The following SLCO1B1 variants were observed in gnomAD, a reference collection of about 807,000 sequenced individuals.
SLCO1B1 encodes the protein solute carrier organic anion transporter family member 1B1.
Under a neutral mutation model 70.1 loss-of-function variants are expected in SLCO1B1, and 81 were observed. The ratio of observed to expected loss-of-function variants is 1.16; its 90% CI spans 0.97 to 1.39. The LOEUF is 1.39. Among genes scored for constraint, SLCO1B1 ranks in the 40% most tolerant of loss-of-function variants. SLCO1B1 has a pLI of 0.00. For missense variants in SLCO1B1, 895 were observed against 799.6 expected, an observed-to-expected ratio of 1.12 and a Z score of -1.44; for synonymous variants, 283 against 271.5, an observed-to-expected ratio of 1.04 and a Z score of -0.42.
intron 1 of SLCO1B1, among the ~76,000 whole-genome samples, chr12:21,134,646 G>A (rs1940191531): frequency 6.6e-6 from 1 of 152,048 alleles, no homozygotes; most frequent in African/African-American, 2.4e-5. Context: ...ATTCTCTGAT[G>A]GTAGTTTGTA....
At chr12:21,159,386 T>G (rs11045802) in intron 2 of SLCO1B1, among the ~76,000 whole-genome samples, 11,302 of 152,212 alleles carry the variant, frequency 0.074, 550 homozygotes, top group East Asian at 0.13. Flanking sequence ...AATACAGGTC[T>G]CATTTGAATT....
intron 2 of SLCO1B1, among the ~76,000 whole-genome samples, chr12:21,158,696 G>GA (rs904568602): frequency 1.1e-4 from 17 of 147,992 alleles, no homozygotes; most frequent in Non-Finnish European, 1.5e-4. Flanking sequence ...TCTGTCTCAA[G>GA]AAAAAAAAAA....
In SLCO1B1 at chr12:21,172,718, C is replaced by A. The variant is rs775517998; in HGVS notation, c.153C>A (p.Ser51=). The A allele has an allele frequency of 6.2e-7, 1 of 1,613,000 alleles. No homozygotes were observed. The highest frequency in any genetic ancestry group is 8.5e-7 in the Non-Finnish European group (1 of 1,179,198). Residue 51 remains serine (S), a synonymous_variant, in exon 3 of 15, where the codon TCC becomes TCA. Coordinates refer to ENST00000256958, the MANE Select transcript of SLCO1B1 (RefSeq NM_006446.5). ...TAGGTGCAATTATTATGAAAAGTTC[C>A]ATCATTCATATAGAACGGAGATTTG... The part of the protein sequence containing the change: ...KTLGAIIMKS[S]IIHIERRFEI...
chr12:21,164,542 C>G (rs776105518), intron 2 of SLCO1B1, among the ~76,000 whole-genome samples: 6 of 152,020 alleles, frequency 3.9e-5, no homozygotes, highest in Non-Finnish European at 7.4e-5. Flanking sequence ...TTCTTCATGG[C>G]TGCCAGAATT....
At chr12:21,200,813 G>T in intron 9 of SLCO1B1, 141 bp downstream of exon 9, 1 of 672,866 alleles carries the variant, frequency 1.5e-6, no homozygotes, top group East Asian at 3.0e-5. Flanking sequence ...TTTCTCAAAT[G>T]TTATTAAACA....
At chr12:21,181,269 C>A (rs1940894081) in intron 7 of SLCO1B1, among the ~76,000 whole-genome samples, 1 of 152,128 alleles carries the variant, frequency 6.6e-6, no homozygotes, top group South Asian at 2.1e-4. Flanking sequence ...CCAAGAAAAA[C>A]TTTTTCTCAC....
At chr12:21,148,695 CTTTTTT>C (rs71043249) in intron 2 of SLCO1B1, among the ~76,000 whole-genome samples, 4 of 100,218 alleles carry the variant, frequency 4.0e-5, no homozygotes, top group Non-Finnish European at 8.1e-5. Context: ...GCTATATGGG[CTTTTTT>C]TTTTTTTTTT....
intron 11 of SLCO1B1, among the ~76,000 whole-genome samples, chr12:21,212,772 G>A (rs1432276961): frequency 6.1e-5 from 9 of 146,738 alleles, no homozygotes; most frequent in African/African-American, 2.0e-4. Context: ...TATATATTTA[G>A]GATAGTTAGC....
chr12:21,198,712 G>T lies in SLCO1B1; in HGVS notation c.970+1524G>T, dbSNP rs370217920. Among the ~76,000 whole-genome samples, 194 of 152,156 alleles carry T rather than the reference G, an allele frequency of 1.3e-3. 4 individuals are homozygous for T. The South Asian group carries it at 0.039, about 31-fold the overall frequency. ...GAACTAAAACTGATTAGAATGAAAA[G>T]ATGATTTCAGTTCATTACAAAAACA... On this transcript the variant is annotated intron_variant, in intron 8 of 14. Coordinates refer to ENST00000256958, the MANE Select transcript of SLCO1B1 (RefSeq NM_006446.5).
intron 11 of SLCO1B1, among the ~76,000 whole-genome samples, chr12:21,208,114 T>TTTC (rs151231052): frequency 0.2 from 30,205 of 151,788 alleles, 3,354 homozygotes; most frequent in East Asian, 0.44. Context: ...CTGTTGATTA[T>TTTC]TTTTGTTGTG....
intron 14 of SLCO1B1, among the ~76,000 whole-genome samples, chr12:21,226,984 A>G (rs1941489410): frequency 6.6e-6 from 1 of 152,192 alleles, no homozygotes; most frequent in African/African-American, 2.4e-5. Flanking sequence ...ACAGGATTGC[A>G]ATTAAAACTC....
chr12:21,161,469 T>C (rs1940618933), intron 2 of SLCO1B1, among the ~76,000 whole-genome samples: 3 of 151,824 alleles, frequency 2.0e-5, no homozygotes, highest in South Asian at 4.1e-4. Flanking sequence ...TGAGAACTCA[T>C]AAAGACAAAA....
At chr12:21,137,027 G>A (rs1040233155) in intron 1 of SLCO1B1, among the ~76,000 whole-genome samples, 2 of 152,128 alleles carry the variant, frequency 1.3e-5, no homozygotes, top group Non-Finnish European at 2.9e-5. Flanking sequence ...TGTCCTTTCT[G>A]TTTGTTAGTT....
intron 4 of SLCO1B1, among the ~76,000 whole-genome samples, chr12:21,174,981 G>C (rs1259001767): frequency 6.6e-6 from 1 of 152,102 alleles, no homozygotes; most frequent in South Asian, 2.1e-4. Context: ...CGTATATACT[G>C]TACGTCTTTG....
intron 12 of SLCO1B1, among the ~76,000 whole-genome samples, chr12:21,220,907 G>A (rs577249117): frequency 9.2e-5 from 14 of 151,488 alleles, no homozygotes; most frequent in Non-Finnish European, 1.5e-4. Flanking sequence ...AATCAAATCC[G>A]ATGGCACATA....
chr12:21,176,521 C>A (rs1214223306), intron 4 of SLCO1B1, among the ~76,000 whole-genome samples: 5 of 152,010 alleles, frequency 3.3e-5, no homozygotes, highest in African/African-American at 9.7e-5. Context: ...CAAGATATAA[C>A]CACTCCTAGG....
intron 11 of SLCO1B1, among the ~76,000 whole-genome samples, chr12:21,211,230 G>A (rs1331020657): frequency 2.0e-4 from 31 of 152,144 alleles, no homozygotes; most frequent in Middle Eastern, 3.4e-3. Flanking sequence ...TTTGAAATAC[G>A]TCCCATCAAT....
chr12:21,142,932 A>G (rs1940331633), intron 2 of SLCO1B1, among the ~76,000 whole-genome samples: 1 of 152,078 alleles, frequency 6.6e-6, no homozygotes, highest in Admixed American at 6.6e-5. Flanking sequence ...CTGCAGCCCA[A>G]TAAAGAAGAC....
intron 2 of SLCO1B1, among the ~76,000 whole-genome samples, chr12:21,164,174 T>A (rs1340590047): frequency 6.6e-6 from 1 of 152,158 alleles, no homozygotes; most frequent in Admixed American, 6.6e-5. Context: ...ATTTCAAAAC[T>A]GCATCCAGGC....
Sources: allele counts gnomAD v4.1 joint callset (sites outside exome capture counted in the v4.1 genomes callset), GRCh38; gene constraint gnomAD v4.1.1; transcripts MANE v1.5; gene names NCBI Gene and HGNC (gene_info 2026-07-23, HGNC 2026-07-21).